NRXN2: variants seen among roughly 807,000 people sequenced by gnomAD.
NRXN2 encodes the protein neurexin 2.
A neutral mutation model predicts 128.8 loss-of-function variants in NRXN2; 29 were observed. The ratio of observed to expected loss-of-function variants is 0.23; its 90% CI spans 0.17 to 0.31. The LOEUF is 0.31. Ranked by LOEUF, NRXN2 falls within the 10% of genes least tolerant of loss-of-function variation. NRXN2 has a pLI of 1.00. For synonymous variants in NRXN2, 1,098 were observed against 1,075.2 expected, an observed-to-expected ratio of 1.02 and a Z score of -0.41; for missense variants, 1,881 against 2,452.6, an observed-to-expected ratio of 0.77 and a Z score of 4.92.
chr11:64,647,740 C>A (rs1299200262), intron 17 of NRXN2, among the ~76,000 whole-genome samples: 1 of 152,188 alleles, frequency 6.6e-6, no homozygotes, highest in Non-Finnish European at 1.5e-5. Flanking sequence ...GGGGTGTGGT[C>A]CTGCTCTCAG....
At chr11:64,704,598 T>TCACACACA (rs1200286244) in intron 2 of NRXN2, among the ~76,000 whole-genome samples, 20 of 99,566 alleles carry the variant, frequency 2.0e-4, no homozygotes, top group African/African-American at 4.3e-4. Flanking sequence ...ATTTCCAGGT[T>TCACACACA]CACACACACA....
intron 17 of NRXN2, chr11:64,646,637 C>T (rs2046713870): frequency 6.6e-6 from 1 of 152,246 alleles, no homozygotes; most frequent in Admixed American, 6.5e-5. Context: ...ACAAAGGCCA[C>T]TGCCTTCTCT....
chr11:64,698,588 C>T (rs2054863348), intron 2 of NRXN2, among the ~76,000 whole-genome samples: 1 of 152,186 alleles, frequency 6.6e-6, no homozygotes. Context: ...GGCCAAGGGC[C>T]CCCAGGCTGG....
chr11:64,631,816 C>T lies in NRXN2; in HGVS notation c.3586-1243G>A, dbSNP rs1364698373. Among the ~76,000 whole-genome samples the T allele has an allele frequency of 4.6e-5, 7 of 152,126 alleles. No individual in the cohort carries two copies. The highest frequency in any genetic ancestry group is 1.0e-4 in the Non-Finnish European group (7 of 68,034). Reference sequence around the variant, plus strand: ...GCATCTAACCAAGCCAACGAAGGCCCATTAGGTACTAAGCCTGAGCCCCTG... The same window carrying T: ...GCATCTAACCAAGCCAACGAAGGCCTATTAGGTACTAAGCCTGAGCCCCTG... On this transcript the variant is annotated intron_variant, in intron 18 of 22. Coordinates refer to ENST00000265459, the MANE Select transcript of NRXN2 (RefSeq NM_015080.4). This position sits in a 1 kb window ranked among gnomAD's most constrained non-coding sequence, Gnocchi z 4.8.
Position 64,692,875 on chromosome 11 carries a change from A to C in NRXN2, c.750T>G (p.Gly250=). The C allele has an allele frequency of 6.2e-7, 1 of 1,613,428 alleles. No individual in the cohort carries two copies. Among genetic ancestry groups the C allele is most frequent in the Non-Finnish European group, 8.5e-7 (1 of 1,179,512 alleles). The stretch of plus-strand genomic sequence containing the variant: ...CGCTGTTTAACGTCAGGTGAGCCGG[A>C]CCTTGGAAAGGGGAAGGAGAGAAAG... ...FCSEEEHPME[G]PAHLTLNSEV... is the part of the protein sequence containing the mutation. Residue 250 remains glycine (G), a splice_region_variant and synonymous_variant, in exon 4 of 23, where the codon GGT becomes GGG. Transcript: ENST00000265459.
intron 22 of NRXN2, among the ~76,000 whole-genome samples, chr11:64,608,494 C>CTTTTTTTTTTTTTTTTTCT (rs58638827): frequency 9.0e-6 from 1 of 111,180 alleles, no homozygotes; most frequent in Non-Finnish European, 2.0e-5. Context: ...TCTTTTTTTG[C>CTTTTTTTTTTTTTTTTTCT]TTTTTTTTTT....
At position 64,704,623 on chromosome 11, in the gene NRXN2, C is replaced by CACAGAGAGAGAG. The variant is rs1336665936; in HGVS notation, c.731-6832_731-6831insCTCTCTCTCTGT. 1.4e-3 allele frequency among the ~76,000 whole-genome samples: 117 copies of CACAGAGAGAGAG among 81,206 alleles called. 1 individual carries two copies. The highest frequency in any genetic ancestry group is 2.9e-3 in the South Asian group (5 of 1,722). 53.3% of individuals were successfully genotyped at this position (81,206 alleles called of 152,430 possible). ...TCACACACACACACACACACACACA[C>CACAGAGAGAGAG]AGAGAGAGAGAGAGAGAGAGAGAGA... is the stretch of plus-strand genomic sequence containing the variant. On this transcript the variant is annotated intron_variant, in intron 2 of 22. Transcript: ENST00000265459.
intron 19 of NRXN2, among the ~76,000 whole-genome samples, chr11:64,628,820 G>T (rs1454644794): frequency 6.6e-6 from 1 of 152,196 alleles, no homozygotes; most frequent in Non-Finnish European, 1.5e-5. Context: ...GGAATTTAGT[G>T]TAGGAGGGTT....
chr11:64,624,404 C>T (rs1334200909), intron 20 of NRXN2, among the ~76,000 whole-genome samples: 2 of 152,240 alleles, frequency 1.3e-5, no homozygotes, highest in Non-Finnish European at 2.9e-5. Flanking sequence ...TCCCACTGCC[C>T]ACTCAGGCAA....
At chr11:64,708,587 A>G (rs2056574818) in intron 2 of NRXN2, among the ~76,000 whole-genome samples, 1 of 152,202 alleles carries the variant, frequency 6.6e-6, no homozygotes, top group Non-Finnish European at 1.5e-5. Context: ...GAGAGAGAGA[A>G]AATGCAAATT....
intron 2 of NRXN2, among the ~76,000 whole-genome samples, chr11:64,702,526 T>C (rs1051742954): frequency 2.6e-5 from 4 of 152,012 alleles, no homozygotes; most frequent in African/African-American, 7.2e-5. Context: ...CTCTGAAACA[T>C]GTGCTGTATC....
rs750334370 is a variant in NRXN2 at position 64,652,107 on chromosome 11, C to T, written c.2464G>A (p.Glu822Lys). Residue 822 changes from glutamate to lysine, a missense_variant, in exon 13 of 23, where the codon GAG becomes AAG. Around this residue, in one of 7 missense-constraint regions of NRXN2, gnomAD observed 997 missense variants for 1,240.8 expected, o/e 0.80. Coordinates refer to ENST00000265459, the MANE Select transcript of NRXN2 (RefSeq NM_015080.4). The part of the protein sequence containing the change: ...LFAGHKLNDN[E>K]WHTVRVVRRG... The stretch of plus-strand genomic sequence containing the variant: ...CGGACCACCCTCACCGTGTGCCACT[C>T]ATTGTCATTGAGCTTGTGCCCCGCA... The T allele has an allele frequency of 6.2e-7, 1 of 1,613,552 alleles. No individual in the cohort carries two copies. Among genetic ancestry groups the T allele is most frequent in the Non-Finnish European group, 8.5e-7 (1 of 1,180,002 alleles).
chr11:64,682,218 C>A (rs569926479), intron 6 of NRXN2, among the ~76,000 whole-genome samples: 173 of 148,878 alleles, frequency 1.2e-3, no homozygotes, highest in African/African-American at 4.1e-3. Flanking sequence ...GAGGACTCTG[C>A]CCCTGGGGCA....
chr11:64,688,351 C>A (rs2053355415), intron 5 of NRXN2: 2 of 985,164 alleles, frequency 2.0e-6, no homozygotes, highest in Admixed American at 6.2e-5. Flanking sequence ...CCAAAGAGAA[C>A]CTGAAAGCCT....
chr11:64,685,762 C>T lies in NRXN2; in HGVS notation c.1036G>A (p.Val346Ile), dbSNP rs1377572977. The T allele has an allele frequency of 1.9e-6, 3 of 1,614,150 alleles. No homozygotes were observed. The highest frequency in any genetic ancestry group is 2.5e-6 in the Non-Finnish European group (3 of 1,180,064). The change falls in exon 6 of 23, where the codon GTC becomes ATC. Residue 346 changes from valine to isoleucine, a missense_variant. Val to Ile is a conservative substitution (Grantham distance 29). Around this residue, in one of 7 missense-constraint regions of NRXN2, gnomAD observed 997 missense variants for 1,240.8 expected, o/e 0.80. Transcript: ENST00000265459. ...GAGCCTAGGTTGATGACCAGCCAGA[C>T]AGCCCCAGACTTGAGGGACAGGTTG... ...YVNLSLKSGA[V>I]WLVINLGSGA... is the part of the protein sequence containing the mutation.
chr11:64,611,560 C>A (rs2135271785), intron 22 of NRXN2, among the ~76,000 whole-genome samples: 1 of 152,340 alleles, frequency 6.6e-6, no homozygotes, highest in East Asian at 1.9e-4. Context: ...TCTCTACCAA[C>A]CTGCTGTCCC....
rs1004383187 is a variant in NRXN2 at position 64,660,102 on chromosome 11, G to T, written c.2389+230C>A. On this transcript the variant is annotated intron_variant, in intron 11 of 22. Transcript: ENST00000265459. The surrounding 1 kb of genome is among the most constrained non-coding windows in gnomAD (Gnocchi z 5.2). ...ACAGTTAGCATACCCCAGATACTCT[G>T]GGTCTTGCCCCTCACAGTGTCGTCG... Among the ~76,000 whole-genome samples, 1 of 152,202 alleles carries T rather than the reference G, an allele frequency of 6.6e-6. No homozygotes were observed. The highest frequency in any genetic ancestry group is 2.4e-5 in the African/African-American group (1 of 41,460).
Position 64,606,675 on chromosome 11 carries a change from G to C in NRXN2, c.*521C>G, listed in dbSNP as rs1390682586. 2.2e-5 allele frequency: 3 copies of C among 137,406 alleles called. No homozygotes were observed. Among genetic ancestry groups the C allele is most frequent in the Non-Finnish European group, 3.1e-5 (2 of 64,916 alleles). 8.5% of individuals were successfully genotyped at this position (137,406 alleles called of 1,614,324 possible). A position where few individuals can be genotyped will look rare whatever the true frequency, so the allele number is the denominator to read the frequency against. ...CCCACCGACTCTGGAAACCCAAAGG[G>C]AGGAAAGGAAGGGAGAAACCAGACA... is the stretch of plus-strand genomic sequence containing the variant. On this transcript the variant is annotated 3_prime_UTR_variant, in exon 23 of 23. Coordinates refer to ENST00000265459, the MANE Select transcript of NRXN2 (RefSeq NM_015080.4).
At position 64,648,831 on chromosome 11, in the gene NRXN2, A is replaced by G. The variant is rs1327190505; in HGVS notation, c.3186T>C (p.Phe1062=). 2 of 1,614,182 alleles carry G rather than the reference A, an allele frequency of 1.2e-6. No individual in the cohort carries two copies. Among genetic ancestry groups the G allele is most frequent in the Non-Finnish European group, 1.7e-6 (2 of 1,180,012 alleles). Residue 1062 remains phenylalanine, a synonymous_variant, in exon 16 of 23, where the codon TTT becomes TTC. Transcript: ENST00000265459. The surrounding 1 kb of genome is among the most constrained non-coding windows in gnomAD (Gnocchi z 4.1). The part of the protein sequence containing the change: ...LPKLVASRDG[F]QGCLASVDLN... ...GGTCCACTGAGGCCAGGCAGCCCTG[A>G]AAGCCATCCCGGGAGGCCACCAGCT...
Sources: allele counts gnomAD v4.1 joint callset (sites outside exome capture counted in the v4.1 genomes callset), GRCh38; gene constraint gnomAD v4.1.1; regional missense constraint gnomAD v4.1.1; non-coding constraint Gnocchi (gnomAD v3.1); transcripts MANE v1.5; gene names NCBI Gene and HGNC (gene_info 2026-07-23, HGNC 2026-07-21).